Variants in AKR1B10 observed in about 807,000 individuals in gnomAD.
AKR1B10 encodes aldo-keto reductase family 1 member B10.
In AKR1B10, 39 loss-of-function variants were observed where a neutral mutation model predicts 38.9. The ratio of observed to expected loss-of-function variants is 1.00; its 90% CI spans 0.78 to 1.31. The LOEUF is 1.31. Among genes scored for constraint, AKR1B10 ranks in the 50% most tolerant of loss-of-function variants. AKR1B10 has a pLI of 0.00. For synonymous variants in AKR1B10, 148 were observed against 141.2 expected (o/e 1.05, Z -0.34); for missense variants, 361 against 382.6 (o/e 0.94, Z 0.47).
chr7:134,536,221 G>T (rs1807997955), intron 4 of AKR1B10, among the ~76,000 whole-genome samples: 2 of 152,242 alleles, frequency 1.3e-5, no homozygotes, highest in East Asian at 1.9e-4. Context: ...AGGTTTGGGT[G>T]TGCAATGCAC....
chr7:134,529,566 C>T (rs1807792784), intron 1 of AKR1B10, among the ~76,000 whole-genome samples: 1 of 152,078 alleles, frequency 6.6e-6, no homozygotes, highest in Non-Finnish European at 1.5e-5. Context: ...CACAGGGCTG[C>T]TTCTGGGTGC....
intron 9 of AKR1B10, among the ~76,000 whole-genome samples, chr7:134,539,318 A>G (rs1808090228): frequency 6.6e-6 from 1 of 152,152 alleles, no homozygotes; most frequent in Non-Finnish European, 1.5e-5. Context: ...ACGGTCATCT[A>G]TGTGCCAGGC....
rs1807729418 is a variant in AKR1B10 at position 134,527,905 on chromosome 7, A to G, written c.-7A>G. The G allele has an allele frequency of 4.3e-6, 7 of 1,613,132 alleles. No homozygotes were observed. Among genetic ancestry groups the G allele is most frequent in the Non-Finnish European group, 4.2e-6 (5 of 1,179,938 alleles). On this transcript the variant is annotated 5_prime_UTR_variant, in exon 1 of 10. Transcript: ENST00000359579. ...CCTGCTCACTCAGAATCATTTCTGC[A>G]CCAACCATGGCCACGTTTGTGGAGC...
At chr7:134,529,820 C>T (rs1807801898) in intron 1 of AKR1B10, among the ~76,000 whole-genome samples, 1 of 151,724 alleles carries the variant, frequency 6.6e-6, no homozygotes, top group African/African-American at 2.4e-5. Flanking sequence ...TTCTTTCTCT[C>T]CCTCTCTGTC....
Position 134,530,744 on chromosome 7 carries a change from G to C in AKR1B10, c.168G>C (p.Gly56=). The C allele has an allele frequency of 5.6e-6, 9 of 1,614,048 alleles. No individual in the cohort carries two copies. The highest frequency in any genetic ancestry group is 7.6e-6 in the Non-Finnish European group (9 of 1,179,948). The change falls in exon 2 of 10, where the codon GGG becomes GGC. Residue 56 remains glycine, a synonymous_variant. Coordinates refer to ENST00000359579, the MANE Select transcript of AKR1B10 (RefSeq NM_020299.5). The stretch of plus-strand genomic sequence containing the variant: ...TCTATCAGAATGAACATGAAGTGGG[G>C]GAAGCCATCCAAGAGAAGATCCAAG... ...AYVYQNEHEV[G]EAIQEKIQEK...
chr7:134,537,848 A>G (rs1298643918), intron 7 of AKR1B10, among the ~76,000 whole-genome samples, 187 bp downstream of exon 7: 2 of 152,032 alleles, frequency 1.3e-5, no homozygotes, highest in Non-Finnish European at 2.9e-5. Flanking sequence ...AAGCAAAGAT[A>G]GCTTCTGTCT....
At chr7:134,531,230 A>T (rs544605140) in intron 2 of AKR1B10, among the ~76,000 whole-genome samples, 1 of 152,252 alleles carries the variant, frequency 6.6e-6, no homozygotes, top group East Asian at 1.9e-4. Context: ...TGGTAGGGGC[A>T]TTTTTCTATT....
chr7:134,533,774 A>C (rs1490385865), intron 4 of AKR1B10, among the ~76,000 whole-genome samples: 1 of 152,190 alleles, frequency 6.6e-6, no homozygotes, highest in Non-Finnish European at 1.5e-5. Flanking sequence ...TCTGCTTCTC[A>C]GATCTAACCA....
rs2117540389 is a variant in AKR1B10 at position 134,532,030 on chromosome 7, A to G, written c.351+6A>G. On this transcript the variant is annotated splice_donor_region_variant and intron_variant, in intron 3 of 9. Coordinates refer to ENST00000359579, the MANE Select transcript of AKR1B10 (RefSeq NM_020299.5). ...ACTGGCCACAGGGATTCAAGGTTTA[A>G]GACACTCTCTTTCTCAGCCTCTAGT... The G allele has an allele frequency of 6.2e-7, 1 of 1,614,016 alleles. No homozygotes were observed. The highest frequency in any genetic ancestry group is 8.5e-7 in the Non-Finnish European group (1 of 1,179,914).
chr7:134,530,454 G>T (rs956513580), intron 1 of AKR1B10, among the ~76,000 whole-genome samples, 189 bp from the exon 2 acceptor site: 2 of 152,160 alleles, frequency 1.3e-5, no homozygotes, highest in Non-Finnish European at 2.9e-5. Flanking sequence ...TGGGCCTTGT[G>T]GGGCAGCCTG....
intron 9 of AKR1B10, among the ~76,000 whole-genome samples, chr7:134,540,693 C>A (rs559270697): frequency 6.6e-6 from 1 of 152,242 alleles, no homozygotes; most frequent in East Asian, 1.9e-4. Context: ...TCATTTAATA[C>A]TCAGAACAAT....
Position 134,528,408 on chromosome 7 carries a change from C to T in AKR1B10, c.66+431C>T, listed in dbSNP as rs181707441. 3.3e-5 allele frequency among the ~76,000 whole-genome samples: 5 copies of T among 152,218 alleles called. No homozygotes were observed. In the East Asian group the frequency reaches 9.7e-4, roughly 29 times the overall value. On this transcript the variant is annotated intron_variant, in intron 1 of 9. Coordinates refer to ENST00000359579, the MANE Select transcript of AKR1B10 (RefSeq NM_020299.5). ...GTGTGAGACTTGGGCTAGCAGCATC[C>T]CTATGACCTGGAAACTTGCTAGAAA... is the stretch of plus-strand genomic sequence containing the variant.
rs1562931682 is a variant in AKR1B10, at chr7:134,537,578, A to G, written c.660-2A>G. On this transcript the variant is annotated splice_acceptor_variant, in intron 6 of 9. Transcript: ENST00000359579. LOFTEE classifies it high-confidence loss of function. ...TTCACATCAGCATCTTTCTGCCCCT[A>G]GGGCCAAGCCAGAAGACCCTTCCCT... is the stretch of plus-strand genomic sequence containing the variant. The G allele has an allele frequency of 1.2e-6, 2 of 1,613,702 alleles. No homozygotes were observed. Among genetic ancestry groups the G allele is most frequent in the Non-Finnish European group, 1.7e-6 (2 of 1,179,798 alleles).
At chr7:134,539,452 T>C (rs748496922) in intron 9 of AKR1B10, among the ~76,000 whole-genome samples, 4 of 152,042 alleles carry the variant, frequency 2.6e-5, no homozygotes, top group Admixed American at 6.6e-5. Context: ...CAGCAACAAA[T>C]GCTAGACAGA....
intron 2 of AKR1B10, among the ~76,000 whole-genome samples, chr7:134,531,459 C>T (rs1807853737): frequency 6.6e-6 from 1 of 152,092 alleles, no homozygotes; most frequent in Admixed American, 6.5e-5. Flanking sequence ...TGGATAAAGC[C>T]TTTGTAAAAT....
chr7:134,540,133 GT>G (rs1276834606), intron 9 of AKR1B10, among the ~76,000 whole-genome samples: 1 of 152,032 alleles, frequency 6.6e-6, no homozygotes, highest in Admixed American at 6.5e-5. Context: ...CAGGAGAATG[GT>G]GTGAACCCGG....
rs1474921677 is a variant in AKR1B10, at chr7:134,527,860, A to G, written c.-52A>G. On this transcript the variant is annotated 5_prime_UTR_variant, in exon 1 of 10. Transcript: ENST00000359579. Reference sequence around the variant, plus strand: ...GACTGTCTCAAAAACAGCAACAGAGAGCAGGACGTGAGACTTCTACCTGCT... The same window carrying G: ...GACTGTCTCAAAAACAGCAACAGAGGGCAGGACGTGAGACTTCTACCTGCT... 1.2e-6 allele frequency: 2 copies of G among 1,611,468 alleles called. No individual in the cohort carries two copies. Among genetic ancestry groups the G allele is most frequent in the Non-Finnish European group, 1.7e-6 (2 of 1,179,558 alleles).
intron 2 of AKR1B10, among the ~76,000 whole-genome samples, chr7:134,531,136 G>A (rs573177940): frequency 2.6e-5 from 4 of 152,270 alleles, no homozygotes; most frequent in South Asian, 2.1e-4. Context: ...GTGCAGGCGG[G>A]TCTTGATCTG....
Position 134,531,995 on chromosome 7 carries a change from T to G in AKR1B10, c.322T>G (p.Tyr108Asp), listed in dbSNP as rs1227680120. ...CCTGAAGCTGAGCTATCTGGACGTC[T>G]ATCTTATTCACTGGCCACAGGGATT... ...KDLKLSYLDVYLIHWPQGFKS... is the reference protein window; with the variant it reads ...KDLKLSYLDVDLIHWPQGFKS... Residue 108 changes from tyrosine to aspartate, a missense_variant, in exon 3 of 10, where the codon TAT (tyrosine) becomes GAT (aspartate). Around this residue, in one of 3 missense-constraint regions of AKR1B10, gnomAD observed 220 missense variants for 216.1 expected, o/e 1.02. Coordinates refer to ENST00000359579, the MANE Select transcript of AKR1B10 (RefSeq NM_020299.5). 1.7e-5 allele frequency: 27 copies of G among 1,614,038 alleles called. No individual in the cohort carries two copies. Among genetic ancestry groups the G allele is most frequent in the Non-Finnish European group, 2.1e-5 (25 of 1,179,994 alleles).
Sources: gnomAD v4.1 joint callset for allele counts (sites outside exome capture counted in the v4.1 genomes callset) on GRCh38, gnomAD v4.1.1 for gene constraint, gnomAD v4.1.1 regional missense constraint, MANE v1.5 for transcripts, NCBI Gene and HGNC (gene_info 2026-07-23, HGNC 2026-07-21) for gene names.